Variants in PCDHGA7 observed in about 807,000 individuals in gnomAD.
The protein encoded by PCDHGA7 is protocadherin gamma subfamily A, 7, also known as protocadherin gamma-A7.
In PCDHGA7, 44 loss-of-function variants were observed where a neutral mutation model predicts 58.3. That is an observed-to-expected ratio of 0.75 (90% CI 0.59 to 0.97). PCDHGA7 has a LOEUF of 0.97. Among genes scored for constraint, PCDHGA7 ranks in the 50% least tolerant of loss-of-function variants. PCDHGA7 has a pLI of 0.00. For synonymous variants in PCDHGA7, 516 were observed against 504.2 expected, an observed-to-expected ratio of 1.02 and a Z score of -0.31; for missense variants, 1,266 against 1,188.7, an observed-to-expected ratio of 1.06 and a Z score of -0.96.
At chr5:141,467,699 T>A (rs1368755814) in intron 1 of PCDHGA7, among the ~76,000 whole-genome samples, 1 of 152,194 alleles carries the variant, frequency 6.6e-6, no homozygotes, top group Non-Finnish European at 1.5e-5. Context: ...TCTGGCTCTG[T>A]TGCCCAGGCT....
At position 141,383,802 on chromosome 5, in the gene PCDHGA7, A is replaced by G; in HGVS notation, c.903A>G (p.Ile301Met). ...MFHLNSLTGEISTLEGLDYEE... is the reference protein window; with the variant it reads ...MFHLNSLTGEMSTLEGLDYEE... ...ATCTGAACTCGCTTACAGGAGAAAT[A>G]TCAACTTTAGAAGGATTAGATTATG... The change falls in exon 1 of 4, where the codon ATA becomes ATG. Residue 301 changes from isoleucine to methionine, a missense_variant. Physicochemically the swap from Ile to Met is conservative, Grantham distance 10. Transcript: ENST00000518325. 6.2e-7 allele frequency: 1 copy of G among 1,613,998 alleles called. No homozygotes were observed. The highest frequency in any genetic ancestry group is 8.5e-7 in the Non-Finnish European group (1 of 1,179,900).
chr5:141,385,129 G>T lies in PCDHGA7; in HGVS notation c.2230G>T (p.Asp744Tyr). The change falls in exon 1 of 4, where the codon GAC becomes TAC. Residue 744 changes from aspartate (D) to tyrosine (Y), a missense_variant. By Grantham distance (160) the Asp-to-Tyr change is radical (BLOSUM62 -3). Coordinates refer to ENST00000518325, the MANE Select transcript of PCDHGA7 (RefSeq NM_018920.4). ...GCCCACCTCGCACTTTGTGGGCATG[G>T]ACGGGGTGCAGGCTTTCCTGCAGAC... Reference protein sequence around the residue: ...NVPTSHFVGMDGVQAFLQTYS... With the variant: ...NVPTSHFVGMYGVQAFLQTYS... 1 of 1,614,200 alleles carries T rather than the reference G, an allele frequency of 6.2e-7. No individual in the cohort carries two copies. The highest frequency in any genetic ancestry group is 1.1e-5 in the South Asian group (1 of 91,090).
chr5:141,471,906 G>A (rs1376234079), intron 1 of PCDHGA7, among the ~76,000 whole-genome samples: 2 of 152,192 alleles, frequency 1.3e-5, no homozygotes, highest in African/African-American at 4.8e-5. Context: ...CTACAGACAA[G>A]CATGAGGGAA....
chr5:141,393,155 A>G (rs1158641344), intron 1 of PCDHGA7: 1 of 1,613,328 alleles, frequency 6.2e-7, no homozygotes, highest in Non-Finnish European at 8.5e-7. Flanking sequence ...AGGATAAAGG[A>G]AAACTCTTTG....
Position 141,489,276 on chromosome 5 carries a change from A to G in PCDHGA7, c.2425-5531A>G. 6.4e-7 allele frequency: 1 copy of G among 1,556,122 alleles called. No homozygotes were observed. Among genetic ancestry groups the G allele is most frequent in the Non-Finnish European group, 8.7e-7 (1 of 1,151,562 alleles). On this transcript the variant is annotated intron_variant, in intron 1 of 3. Coordinates refer to ENST00000518325, the MANE Select transcript of PCDHGA7 (RefSeq NM_018920.4). The surrounding 1 kb of genome is among the most constrained non-coding windows in gnomAD (Gnocchi z 4.5). ...AGACACTCCCACAGCTCGCTGGGAA[A>G]TGGCAAGTGCTGTGCATGTTGTCCT...
intron 1 of PCDHGA7, chr5:141,419,581 C>T: frequency 6.2e-7 from 1 of 1,611,888 alleles, no homozygotes; most frequent in South Asian, 1.1e-5. Context: ...GCTCCGCGCT[C>T]TTCGACACAG....
At chr5:141,405,267 A>G (rs1384687423) in intron 1 of PCDHGA7, 1 of 1,614,154 alleles carries the variant, frequency 6.2e-7, no homozygotes, top group South Asian at 1.1e-5. Context: ...ATCTTCCCCC[A>G]GCCCAACTAT....
rs965707754 is a variant in PCDHGA7 at position 141,505,329 on chromosome 5, G to A, written c.2484-64G>A. On this transcript the variant is annotated intron_variant, in intron 2 of 3. Coordinates refer to ENST00000518325, the MANE Select transcript of PCDHGA7 (RefSeq NM_018920.4). ...ACTAGGTTTGGGAGCCCTGGGAGAG[G>A]ACAGGAGGGGCATGAGCTGTGCCGG... is the stretch of plus-strand genomic sequence containing the variant. The A allele has an allele frequency of 2.5e-6, 4 of 1,610,060 alleles. No individual in the cohort carries two copies. The African/African-American group carries it at 5.3e-5, about 22-fold the overall frequency.
At chr5:141,390,318 C>T in intron 1 of PCDHGA7, 1 of 1,609,020 alleles carries the variant, frequency 6.2e-7, no homozygotes, top group Non-Finnish European at 8.5e-7. Context: ...TGCTCATTGC[C>T]TACCCATTTC....
rs762881601 is a variant in PCDHGA7, at chr5:141,392,998, A to ACGGAGTC, written c.2424+7678_2424+7684dup. 1.9e-6 allele frequency: 3 copies of ACGGAGTC among 1,613,876 alleles called. No individual in the cohort carries two copies. In the East Asian group the frequency reaches 6.7e-5, roughly 36 times the overall value. On this transcript the variant is annotated intron_variant, in intron 1 of 3. Transcript: ENST00000518325. ...CTGGACCCCCGGAAGCTGGCGAAGCACGGAGTCCGTATCGTCTCCAGAGGT... is the reference window on the plus strand; with the variant it reads ...CTGGACCCCCGGAAGCTGGCGAAGCACGGAGTCCGGAGTCCGTATCGTCTCCAGAGGT...
chr5:141,389,494 C>T (rs1300548775), intron 1 of PCDHGA7: 2 of 1,613,058 alleles, frequency 1.2e-6, no homozygotes, highest in East Asian at 2.2e-5. Context: ...GACCAGGGCT[C>T]GCCAGCGCTC....
chr5:141,432,685 C>T lies in PCDHGA7; in HGVS notation c.2424+47362C>T, dbSNP rs1561863583. 1 of 1,613,932 alleles carries T rather than the reference C, an allele frequency of 6.2e-7. No individual in the cohort carries two copies. The highest frequency in any genetic ancestry group is 1.7e-5 in the Admixed American group (1 of 60,020). ...ACAGAGACGCGCTCAAGCAGAGCCT[C>T]GTAGTGGCCGTCCAGGACCACGGCC... On this transcript the variant is annotated intron_variant, in intron 1 of 3. Coordinates refer to ENST00000518325, the MANE Select transcript of PCDHGA7 (RefSeq NM_018920.4). This position sits in a 1 kb window ranked among gnomAD's most constrained non-coding sequence, Gnocchi z 6.0.
chr5:141,400,453 C>T (rs1329103788), intron 1 of PCDHGA7: 1 of 1,614,056 alleles, frequency 6.2e-7, no homozygotes, highest in Admixed American at 1.7e-5. Context: ...ACAAGACATA[C>T]TTTGTGGTGA....
At chr5:141,392,593 C>G (rs986653235) in intron 1 of PCDHGA7, 2 of 494,194 alleles carry the variant, frequency 4.0e-6, no homozygotes, top group Non-Finnish European at 7.1e-6. Context: ...CCGCTGTTCA[C>G]CTACTGGAAG....
Position 141,477,403 on chromosome 5 carries a change from C to T in PCDHGA7, c.2425-17404C>T, listed in dbSNP as rs1329599078. 2 of 1,614,164 alleles carry T rather than the reference C, an allele frequency of 1.2e-6. No individual in the cohort carries two copies. Among genetic ancestry groups the T allele is most frequent in the Non-Finnish European group, 1.7e-6 (2 of 1,180,042 alleles). ...CAGAATACAACCTCAGCATCACCGC[C>T]CGAGACGCCGGAACCCCTTCCCTCT... is the stretch of plus-strand genomic sequence containing the variant. On this transcript the variant is annotated intron_variant, in intron 1 of 3. Transcript: ENST00000518325. The surrounding 1 kb of genome is among the most constrained non-coding windows in gnomAD (Gnocchi z 4.9).
Position 141,487,562 on chromosome 5 carries a change from G to C in PCDHGA7, c.2425-7245G>C. The stretch of plus-strand genomic sequence containing the variant: ...GAAGTCACCCAGTGCACCTATGGCA[G>C]GGGAGCCTGTTCGCCCAAGCTGCCC... On this transcript the variant is annotated intron_variant, in intron 1 of 3. Coordinates refer to ENST00000518325, the MANE Select transcript of PCDHGA7 (RefSeq NM_018920.4). The surrounding 1 kb of genome is among the most constrained non-coding windows in gnomAD (Gnocchi z 5.0). The C allele has an allele frequency of 6.2e-7, 1 of 1,614,178 alleles. No homozygotes were observed.
At chr5:141,393,579 C>T (rs2092799952) in intron 1 of PCDHGA7, 2 of 1,613,888 alleles carry the variant, frequency 1.2e-6, no homozygotes, top group Non-Finnish European at 1.7e-6. Context: ...TGAGAACATG[C>T]CCCCAGGCAC....
Position 141,413,628 on chromosome 5 carries a change from T to G in PCDHGA7, c.2424+28305T>G, listed in dbSNP as rs570797524. 4.3e-6 allele frequency: 7 copies of G among 1,613,878 alleles called. No homozygotes were observed. The African/African-American group carries it at 6.7e-5, about 15-fold the overall frequency. On this transcript the variant is annotated intron_variant, in intron 1 of 3. Coordinates refer to ENST00000518325, the MANE Select transcript of PCDHGA7 (RefSeq NM_018920.4). ...ACGTAAAAATTAATGAAAATGTCGC[T>G]GCGGGAATGCGTTTTCCTCTCCCGG...
rs766050828 is a variant in PCDHGA7, at chr5:141,394,215, G to A, written c.2424+8892G>A. The A allele has an allele frequency of 1.9e-6, 3 of 1,613,902 alleles. No individual in the cohort carries two copies. The South Asian group carries it at 3.3e-5, about 18-fold the overall frequency. ...GTATATCCTAGAGAACAACCTGAGA[G>A]GAGCCTCCATCTTTTCCTTGACTGC... is the stretch of plus-strand genomic sequence containing the variant. On this transcript the variant is annotated intron_variant, in intron 1 of 3. Transcript: ENST00000518325.
Sources: allele counts gnomAD v4.1 joint callset (sites outside exome capture counted in the v4.1 genomes callset), GRCh38; gene constraint gnomAD v4.1.1; non-coding constraint Gnocchi (gnomAD v3.1); transcripts MANE v1.5; gene names NCBI Gene and HGNC (gene_info 2026-07-23, HGNC 2026-07-21).